The following ABCB4 variants were observed in gnomAD, a reference collection of about 807,000 sequenced individuals.
The protein encoded by ABCB4 is phosphatidylcholine translocator ABCB4.
ABCB4 carries 76 observed loss-of-function variants against 145.7 expected under a neutral mutation model. That is an observed-to-expected ratio of 0.52 (90% confidence interval 0.43 to 0.63). The LOEUF (loss-of-function observed/expected upper bound fraction) is 0.63. Among genes scored for constraint, ABCB4 ranks in the 30% least tolerant of loss-of-function variants. ABCB4 has a pLI of 0.00. For synonymous variants in ABCB4, 517 were observed against 566.8 expected (o/e 0.91, Z 1.25); for missense variants, 1,234 against 1,553.1 (o/e 0.79, Z 3.45).
chr7:87,392,758 A>C, the ABCB4 span: 1 of 1,613,644 alleles, frequency 6.2e-7, no homozygotes, highest in Non-Finnish European at 8.5e-7. Flanking sequence ...TAGGTCTCTT[A>C]CTCATAGCAA....
chr7:87,460,375 A>T lies in ABCB4; in HGVS notation c.286+2383T>A, dbSNP rs148501339. Among the ~76,000 whole-genome samples the T allele has an allele frequency of 6.0e-3, 909 of 152,160 alleles. 7 individuals are homozygous for T. Among genetic ancestry groups the T allele is most frequent in the African/African-American group, 0.021 (886 of 41,480 alleles). The stretch of plus-strand genomic sequence containing the variant: ...GTGTGATGCTGAGGTTTGGGATATG[A>T]ATGATCCTGTCACCCAGGTAGTGAG... On this transcript the variant is annotated intron_variant, in intron 4 of 27. Transcript: ENST00000649586.
intron 3 of ABCB4, among the ~76,000 whole-genome samples, chr7:87,469,382 CAGA>C (rs1813190697): frequency 6.6e-6 from 1 of 152,096 alleles, no homozygotes; most frequent in African/African-American, 2.4e-5. Context: ...GGCAATCAGG[CAGA>C]AGAAAGAAAG....
intron 6 of ABCB4, 97 bp from the exon 7 acceptor site, chr7:87,451,891 C>G: frequency 8.6e-7 from 1 of 1,156,174 alleles, no homozygotes; most frequent in Non-Finnish European, 1.3e-6. Flanking sequence ...AAAATTTGTT[C>G]ACTGACTGCA....
At chr7:87,414,176 A>G (rs781319386) in intron 21 of ABCB4, among the ~76,000 whole-genome samples, 1 of 152,242 alleles carries the variant, frequency 6.6e-6, no homozygotes, top group African/African-American at 2.4e-5. Flanking sequence ...CTGTCCACCC[A>G]CAATGGGAAG....
chr7:87,431,444 A>G lies in ABCB4; in HGVS notation c.1853T>C (p.Met618Thr). 1 of 1,614,150 alleles carries G rather than the reference A, an allele frequency of 6.2e-7. No individual in the cohort carries two copies. The highest frequency in any genetic ancestry group is 8.5e-7 in the Non-Finnish European group (1 of 1,179,986). ...IVEQGSHSEL[M>T]KKEGVYFKLV... ...TTTGAAGTACACCCCTTCCTTCTTCATCAGTTCGCTGTGGCTTCCTTGCTC... is the reference window on the plus strand; with the variant it reads ...TTTGAAGTACACCCCTTCCTTCTTCGTCAGTTCGCTGTGGCTTCCTTGCTC... Residue 618 changes from methionine (M) to threonine (T), a missense_variant, in exon 15 of 28, where the codon ATG becomes ACG. This residue lies in a region of ABCB4 where 321 missense variants were observed against 332.6 expected (regional missense o/e 0.97). Transcript: ENST00000649586.
chr7:87,415,704 C>G (rs1808923402), intron 21 of ABCB4, among the ~76,000 whole-genome samples: 1 of 152,206 alleles, frequency 6.6e-6, no homozygotes, highest in Non-Finnish European at 1.5e-5. Flanking sequence ...GCCTCACACA[C>G]TGTGAATAGC....
intron 26 of ABCB4, 109 bp downstream of exon 26, chr7:87,406,179 A>G: frequency 8.6e-7 from 1 of 1,163,350 alleles, no homozygotes; most frequent in Non-Finnish European, 1.3e-6. Flanking sequence ...CAAGTTGTTA[A>G]TGTTAGTAAA....
At chr7:87,418,667 C>T (rs1562958860) in intron 19 of ABCB4, 47 bp from the exon 20 acceptor site, 1 of 1,576,430 alleles carries the variant, frequency 6.3e-7, no homozygotes, top group Admixed American at 1.7e-5. Flanking sequence ...TTAAAACAAG[C>T]AAAGAAAACC....
chr7:87,436,419 T>C (rs1016755835), intron 14 of ABCB4, among the ~76,000 whole-genome samples: 1 of 152,030 alleles, frequency 6.6e-6, no homozygotes, highest in African/African-American at 2.4e-5. Flanking sequence ...AAATAAAATA[T>C]ATAGGCATAA....
At chr7:87,375,905 T>G in the ABCB4 span, 2 of 1,612,982 alleles carry the variant, frequency 1.2e-6, no homozygotes, top group South Asian at 2.2e-5. Flanking sequence ...TACTGGTATA[T>G]TCCATGGAGG....
At position 87,431,542 on chromosome 7, in the gene ABCB4, A is replaced by G. The variant is rs2116609463; in HGVS notation, c.1755T>C (p.Ile585=). 6.2e-7 allele frequency: 1 copy of G among 1,614,038 alleles called. No homozygotes were observed. Among genetic ancestry groups the G allele is most frequent in the East Asian group, 2.2e-5 (1 of 44,876 alleles). ...CCGTAGACAGTCGGTGTGCTATCAC[A>G]ATGGTGGTCCGGCCTTCTCTGGCCT... ...LDKAREGRTT[I]VIAHRLSTVR... is the part of the protein sequence containing the mutation. Residue 585 remains isoleucine, a synonymous_variant, in exon 15 of 28, where the codon ATT becomes ATC. Coordinates refer to ENST00000649586, the MANE Select transcript of ABCB4 (RefSeq NM_000443.4).
the ABCB4 span, among the ~76,000 whole-genome samples, chr7:87,368,572 A>G: frequency 6.6e-6 from 1 of 152,206 alleles, no homozygotes; most frequent in Non-Finnish European, 1.5e-5. Context: ...ATAGTTGATG[A>G]AAAGATTTCA....
At chr7:87,456,798 G>A (rs45580239) in intron 4 of ABCB4, among the ~76,000 whole-genome samples, 8,144 of 152,032 alleles carry the variant, frequency 0.054, 761 homozygotes, top group African/African-American at 0.18. Context: ...CTAGTGCTGG[G>A]TTAGTAACCT....
the ABCB4 span, among the ~76,000 whole-genome samples, chr7:87,395,336 C>G: frequency 0.043 from 6,524 of 152,208 alleles, 453 homozygotes; most frequent in African/African-American, 0.15. Context: ...CCCAGATTAA[C>G]GGTGGGTCTG....
intron 4 of ABCB4, among the ~76,000 whole-genome samples, chr7:87,456,203 A>T (rs977158844): frequency 6.6e-6 from 1 of 152,156 alleles, no homozygotes; most frequent in African/African-American, 2.4e-5. Context: ...TGAACTGAAA[A>T]ATTGGGTGAA....
chr7:87,439,722 G>A lies in ABCB4; in HGVS notation c.1676C>T (p.Ala559Val), dbSNP rs778379251. 1.2e-6 allele frequency: 2 copies of A among 1,614,016 alleles called. No individual in the cohort carries two copies. Among genetic ancestry groups the A allele is most frequent in the East Asian group, 4.5e-5 (2 of 44,882 alleles). The change falls in exon 14 of 28, where the codon GCC becomes GTC. Residue 559 changes from alanine to valine, a missense_variant. By Grantham distance (64) the Ala-to-Val change is moderately conservative (BLOSUM62 0). Coordinates refer to ENST00000649586, the MANE Select transcript of ABCB4 (RefSeq NM_000443.4). ...ACTTTCTGTGTCCAATGCTGACGTG[G>A]CCTCATCCAGCAGAAGGATCTTGGG... Reference protein sequence around the residue: ...RNPKILLLDEATSALDTESEA... With the variant: ...RNPKILLLDEVTSALDTESEA...
At chr7:87,435,262 C>T (rs1329180670) in intron 14 of ABCB4, among the ~76,000 whole-genome samples, 5 of 152,102 alleles carry the variant, frequency 3.3e-5, no homozygotes, top group Non-Finnish European at 7.3e-5. Flanking sequence ...GCATAATTAC[C>T]TTGCAGTGTG....
At chr7:87,407,212 C>T (rs1166172411) in intron 25 of ABCB4, among the ~76,000 whole-genome samples, 1 of 152,136 alleles carries the variant, frequency 6.6e-6, no homozygotes, top group Non-Finnish European at 1.5e-5. Context: ...AGACACAAGT[C>T]CAGCTAGTCT....
Position 87,406,448 on chromosome 7 carries a change from C to G in ABCB4, c.3326G>C (p.Arg1109Thr). 1 of 1,613,936 alleles carries G rather than the reference C, an allele frequency of 6.2e-7. No homozygotes were observed. Among genetic ancestry groups the G allele is most frequent in the Non-Finnish European group, 8.5e-7 (1 of 1,180,000 alleles). The change falls in exon 26 of 28, where the codon AGA (arginine) becomes ACA (threonine). Residue 1109 changes from arginine to threonine, a missense_variant. Arg to Thr is a moderately conservative substitution (Grantham distance 71, BLOSUM62 -1). Coordinates refer to ENST00000649586, the MANE Select transcript of ABCB4 (RefSeq NM_000443.4). ...CTGAGACACGATTCCGAGTTGAGCT[C>G]TGAGCCACTGGACATTGAGTTTCTT... ...EAKKLNVQWLRAQLGIVSQEP... is the reference protein window; with the variant it reads ...EAKKLNVQWLTAQLGIVSQEP...
Sources: allele counts gnomAD v4.1 joint callset (sites outside exome capture counted in the v4.1 genomes callset), GRCh38; gene constraint gnomAD v4.1.1; regional missense constraint gnomAD v4.1.1; transcripts MANE v1.5; gene names NCBI Gene and HGNC (gene_info 2026-07-23, HGNC 2026-07-21).